FNDC7: variants seen among roughly 807,000 people sequenced by gnomAD.
FNDC7 encodes fibronectin type III domain containing 7.
FNDC7 carries 66 observed loss-of-function variants against 74.2 expected under a neutral mutation model. The ratio of observed to expected loss-of-function variants is 0.89; its 90% CI spans 0.73 to 1.09. The LOEUF (loss-of-function observed/expected upper bound fraction) is 1.09. Ranked by LOEUF, FNDC7 falls within the 50% of genes least tolerant of loss-of-function variation. The pLI is 0.00. For synonymous variants in FNDC7, 307 were observed against 330.2 expected, an observed-to-expected ratio of 0.93 and a Z score of 0.76; for missense variants, 829 against 893.4, an observed-to-expected ratio of 0.93 and a Z score of 0.92.
At chr1:108,738,277 A>G (rs1047643304) in intron 11 of FNDC7, among the ~76,000 whole-genome samples, 1 of 152,156 alleles carries the variant, frequency 6.6e-6, no homozygotes, top group African/African-American at 2.4e-5. Context: ...CAGTTGGAAT[A>G]AAGAGAACCC....
intron 11 of FNDC7, among the ~76,000 whole-genome samples, chr1:108,737,962 C>G (rs1661553729): frequency 6.6e-6 from 1 of 152,210 alleles, no homozygotes; most frequent in Admixed American, 6.5e-5. Flanking sequence ...TCAGGTGATT[C>G]TGAAGTATAG....
In FNDC7 at chr1:108,728,623, A is replaced by G; in HGVS notation, c.1370-9A>G. On this transcript the variant is annotated splice_polypyrimidine_tract_variant and intron_variant, in intron 7 of 12. Coordinates refer to ENST00000370017, the MANE Select transcript of FNDC7 (RefSeq NM_001144937.3). ...ATGCTGGTTCAATTAATACTCTAAA[A>G]TGTCTTAGCTCCTTGCAGTCCTGAA... The G allele has an allele frequency of 1.9e-6, 3 of 1,613,718 alleles. No homozygotes were observed. Among genetic ancestry groups the G allele is most frequent in the Non-Finnish European group, 2.5e-6 (3 of 1,179,640 alleles).
At chr1:108,740,516 T>C (rs966333466) in intron 11 of FNDC7, among the ~76,000 whole-genome samples, 9 of 151,990 alleles carry the variant, frequency 5.9e-5, no homozygotes, top group Non-Finnish European at 8.8e-5. Context: ...TTAGCAGAGA[T>C]GGGGTTTCAC....
chr1:108,725,664 G>T, intron 5 of FNDC7, 86 bp from the exon 6 acceptor site: 1 of 1,426,138 alleles, frequency 7.0e-7, no homozygotes, highest in Non-Finnish European at 9.6e-7. Flanking sequence ...TTGCTAATTT[G>T]GGTTGTATTG....
chr1:108,738,419 ATGC>A, intron 11 of FNDC7, among the ~76,000 whole-genome samples: 1 of 152,224 alleles, frequency 6.6e-6, no homozygotes, highest in South Asian at 2.1e-4. Flanking sequence ...TAAGCAGTGT[ATGC>A]TGCCTCATGA....
rs748620381 is a variant in FNDC7, at chr1:108,725,768, G to A, written c.875G>A (p.Arg292Lys). Residue 292 changes from arginine (R) to lysine (K), a missense_variant, in exon 6 of 13, where the codon AGA becomes AAA. Arg to Lys is a conservative substitution (Grantham distance 26). Transcript: ENST00000370017. ...TTCCTAGTTGCTTGTGCACCCGGAAGAGTGACGATCCAAGAAGATCCCCCT... is the reference window on the plus strand; with the variant it reads ...TTCCTAGTTGCTTGTGCACCCGGAAAAGTGACGATCCAAGAAGATCCCCCT... ...TLKTVACAPGRVTIQEDPPGH... is the reference protein window; with the variant it reads ...TLKTVACAPGKVTIQEDPPGH... 3 of 1,614,108 alleles carry A rather than the reference G, an allele frequency of 1.9e-6. No homozygotes were observed. The highest frequency in any genetic ancestry group is 1.7e-6 in the Non-Finnish European group (2 of 1,179,980).
At position 108,718,856 on chromosome 1, in the gene FNDC7, T is replaced by C. The variant is rs1347432065; in HGVS notation, c.405T>C (p.Ala135=). Residue 135 remains alanine (A), a synonymous_variant, in exon 4 of 13, where the codon GCT becomes GCC. Coordinates refer to ENST00000370017, the MANE Select transcript of FNDC7 (RefSeq NM_001144937.3). ...ACTCCATTCTTGTGCAGTGGGAAGC[T>C]GTATATATGGCAATTGCATTCTCCG... The part of the protein sequence containing the change: ...SSDSILVQWE[A]VYMAIAFSVS... The C allele has an allele frequency of 6.4e-7, 1 of 1,551,734 alleles. No homozygotes were observed. The highest frequency in any genetic ancestry group is 1.4e-5 in the African/African-American group (1 of 73,044).
In FNDC7 at chr1:108,733,509, T is replaced by C. The variant is rs1661443793; in HGVS notation, c.2117T>C (p.Phe706Ser). ...GCTAAAACAGGATTGAAGCTTACTT[T>C]CTGTCCAAAAAAAATATATTCAGGT... ...PVAKTGLKLT[F>S]CPKKIYSVTC... The change falls in exon 10 of 13, where the codon TTC becomes TCC. Residue 706 changes from phenylalanine to serine, a missense_variant. Coordinates refer to ENST00000370017, the MANE Select transcript of FNDC7 (RefSeq NM_001144937.3). 19 of 1,612,734 alleles carry C rather than the reference T, an allele frequency of 1.2e-5. No individual in the cohort carries two copies. Among genetic ancestry groups the C allele is most frequent in the Non-Finnish European group, 1.4e-5 (16 of 1,178,834 alleles).
intron 11 of FNDC7, among the ~76,000 whole-genome samples, chr1:108,741,219 A>G (rs1215284817): frequency 6.6e-6 from 1 of 152,202 alleles, no homozygotes; most frequent in Admixed American, 6.5e-5. Context: ...GGAAAAAAAA[A>G]ACCTATTTGA....
Position 108,730,868 on chromosome 1 carries a change from T to G in FNDC7, c.1819T>G (p.Leu607Val). 1.2e-6 allele frequency: 2 copies of G among 1,613,970 alleles called. No homozygotes were observed. Among genetic ancestry groups the G allele is most frequent in the Middle Eastern group, 3.3e-4 (2 of 6,060 alleles). ...ITCGINYTVT[L>V]KAISATGLTA... is the part of the protein sequence containing the mutation. ...ATGTGGCATCAATTACACAGTGACATTAAAAGCAATTAGTGCCACCGGGTT... is the reference window on the plus strand; with the variant it reads ...ATGTGGCATCAATTACACAGTGACAGTAAAAGCAATTAGTGCCACCGGGTT... Residue 607 changes from leucine (L) to valine (V), a missense_variant, in exon 9 of 13, where the codon TTA (leucine) becomes GTA (valine). Coordinates refer to ENST00000370017, the MANE Select transcript of FNDC7 (RefSeq NM_001144937.3).
chr1:108,740,716 G>A (rs1661625296), intron 11 of FNDC7, among the ~76,000 whole-genome samples: 1 of 152,070 alleles, frequency 6.6e-6, no homozygotes, highest in Admixed American at 6.5e-5. Context: ...TCTGAGCCTA[G>A]GTTTCCTCAT....
intron 5 of FNDC7, among the ~76,000 whole-genome samples, chr1:108,724,137 T>G (rs1174691052): frequency 6.6e-6 from 1 of 152,236 alleles, no homozygotes; most frequent in Non-Finnish European, 1.5e-5. Context: ...TTTACTTGAA[T>G]TCATTCTTTC....
rs1221532318 is a variant in FNDC7 at position 108,741,843 on chromosome 1, T to A, written c.*37+2T>A. ...AGATAAAAACAAAAACTTGACCAAGTGAGTAACGTAAATTGATTTTGTGTG... is the reference window on the plus strand; with the variant it reads ...AGATAAAAACAAAAACTTGACCAAGAGAGTAACGTAAATTGATTTTGTGTG... On this transcript the variant is annotated splice_donor_variant, in intron 12 of 12. Coordinates refer to ENST00000370017, the MANE Select transcript of FNDC7 (RefSeq NM_001144937.3). LOFTEE classifies it low-confidence loss of function (3UTR_SPLICE). The A allele has an allele frequency of 1.2e-6, 2 of 1,601,112 alleles. No homozygotes were observed. The highest frequency in any genetic ancestry group is 1.7e-5 in the Admixed American group (1 of 59,172).
intron 4 of FNDC7, among the ~76,000 whole-genome samples, chr1:108,721,400 C>T (rs1157788951): frequency 4.6e-5 from 7 of 152,142 alleles, no homozygotes; most frequent in African/African-American, 7.2e-5. Context: ...ACCCCGGAGG[C>T]GGAGTTTGCA....
intron 11 of FNDC7, 139 bp downstream of exon 11, chr1:108,737,663 A>G: frequency 1.7e-6 from 1 of 605,714 alleles, no homozygotes; most frequent in Non-Finnish European, 2.8e-6. Context: ...CTCTTATCCC[A>G]TGACTTTTTC....
chr1:108,712,955 T>G lies in FNDC7; in HGVS notation c.22T>G (p.Cys8Gly). 2 of 1,551,718 alleles carry G rather than the reference T, an allele frequency of 1.3e-6. No homozygotes were observed. Among genetic ancestry groups the G allele is most frequent in the South Asian group, 1.2e-5 (1 of 84,066 alleles). MAGGRET[C>G]LPLIGFILIC... ...CAGGATGGCTGGTGGACGAGAGACA[T>G]GTTTGCCTTTGATTGGATTCATTCT... The change falls in exon 1 of 13, where the codon TGT becomes GGT. Residue 8 changes from cysteine (C) to glycine (G), a missense_variant. Coordinates refer to ENST00000370017, the MANE Select transcript of FNDC7 (RefSeq NM_001144937.3).
At position 108,741,952 on chromosome 1, in the gene FNDC7, A is replaced by G. The variant is rs1427920658; in HGVS notation, c.*65A>G. 9 of 785,470 alleles carry G rather than the reference A, an allele frequency of 1.1e-5. No homozygotes were observed. The highest frequency in any genetic ancestry group is 1.9e-5 in the Non-Finnish European group (9 of 479,492). The allele number at this position is 785,470 out of a possible 1,614,324, so 48.7% of individuals were successfully genotyped here. A position where few individuals can be genotyped will look rare whatever the true frequency, so the allele number is the denominator to read the frequency against. The stretch of plus-strand genomic sequence containing the variant: ...TTGTCTCATTTGTTAGTGATTAGAG[A>G]TGGAAAAGATCTACTAGAATGTAGA... On this transcript the variant is annotated 3_prime_UTR_variant, in exon 13 of 13. Transcript: ENST00000370017.
chr1:108,733,838 C>A (rs115342550), intron 10 of FNDC7, among the ~76,000 whole-genome samples: 12 of 151,706 alleles, frequency 7.9e-5, no homozygotes, highest in African/African-American at 2.9e-4. Context: ...TTTGTAGAGA[C>A]GGGGCTTCAG....
intron 3 of FNDC7, 30 bp downstream of exon 3, chr1:108,718,061 A>G: frequency 6.5e-7 from 1 of 1,546,590 alleles, no homozygotes; most frequent in Non-Finnish European, 8.8e-7. Flanking sequence ...TCCTCCGTTG[A>G]GTGTTTGCTT....
Sources: allele counts gnomAD v4.1 joint callset (sites outside exome capture counted in the v4.1 genomes callset), GRCh38; gene constraint gnomAD v4.1.1; transcripts MANE v1.5; gene names NCBI Gene and HGNC (gene_info 2026-07-23, HGNC 2026-07-21).